Variants in C12orf56 observed in about 807,000 individuals in gnomAD.
C12orf56 encodes the protein uncharacterized protein C12orf56.
C12orf56 carries 71 observed loss-of-function variants against 69.9 expected under a neutral mutation model. That is an observed-to-expected ratio of 1.02 (90% CI 0.84 to 1.24). The LOEUF (loss-of-function observed/expected upper bound fraction) is 1.24. C12orf56 is among the 50% of genes most tolerant of loss of function. C12orf56 has a pLI of 0.00. For synonymous variants in C12orf56, 276 were observed against 274.1 expected (o/e 1.01, Z -0.07); for missense variants, 732 against 738.5 (o/e 0.99, Z 0.10).
At chr12:64,368,270 A>G (rs966857651) in intron 1 of C12orf56, among the ~76,000 whole-genome samples, 3 of 152,168 alleles carry the variant, frequency 2.0e-5, no homozygotes, top group African/African-American at 7.2e-5. Flanking sequence ...GCCCAGCCTA[A>G]GGAGAGAGAC....
At chr12:64,316,983 G>A (rs2038698557) in intron 4 of C12orf56, among the ~76,000 whole-genome samples, 1 of 152,132 alleles carries the variant, frequency 6.6e-6, no homozygotes, top group Non-Finnish European at 1.5e-5. Context: ...GCAATTCAGG[G>A]AAGCATAAAC....
intron 5 of C12orf56, among the ~76,000 whole-genome samples, chr12:64,308,951 GA>G (rs1158083654): frequency 1.1e-5 from 1 of 90,290 alleles, no homozygotes; most frequent in African/African-American, 4.3e-5. Flanking sequence ...AAGAAAGAAA[GA>G]AAGAAAGAAA....
intron 3 of C12orf56, among the ~76,000 whole-genome samples, chr12:64,323,586 C>T (rs1203343939): frequency 2.0e-5 from 1 of 48,978 alleles, no homozygotes; most frequent in African/African-American, 1.1e-4. Flanking sequence ...TTTGCCAAGA[C>T]AGGGTCTTAC....
intron 1 of C12orf56, among the ~76,000 whole-genome samples, chr12:64,363,199 G>A (rs1565775430): frequency 6.6e-6 from 1 of 152,082 alleles, no homozygotes; most frequent in Non-Finnish European, 1.5e-5. Context: ...TAACCCTCAA[G>A]TGGTTTGGAA....
chr12:64,271,720 T>C (rs968815405), intron 11 of C12orf56, among the ~76,000 whole-genome samples: 7 of 152,184 alleles, frequency 4.6e-5, no homozygotes, highest in African/African-American at 1.7e-4. Context: ...ATTAAACATA[T>C]ATTGCCTGGC....
At position 64,318,925 on chromosome 12, in the gene C12orf56, C is replaced by T; in HGVS notation, c.544G>A (p.Gly182Ser). 1 of 1,536,492 alleles carries T rather than the reference C, an allele frequency of 6.5e-7. No homozygotes were observed. Residue 182 changes from glycine (G) to serine (S), a missense_variant, in exon 4 of 13, where the codon GGC (glycine) becomes AGC (serine). Gly to Ser is a moderately conservative substitution (Grantham distance 56). Coordinates refer to ENST00000543942, the MANE Select transcript of C12orf56 (RefSeq NM_001170633.2). ...CCATGAAGGGACAGCTTTTTGAGGC[C>T]TGGACGAGGACAGAGAGTTGAGTCC... Reference protein sequence around the residue: ...SKDSTLCPRPGLKKLSLHGQG... With the variant: ...SKDSTLCPRPSLKKLSLHGQG...
intron 1 of C12orf56, among the ~76,000 whole-genome samples, chr12:64,380,607 A>T (rs2039707220): frequency 6.6e-6 from 1 of 152,212 alleles, no homozygotes; most frequent in African/African-American, 2.4e-5. Flanking sequence ...TGAAACAAAC[A>T]GATGGGTAAG....
chr12:64,332,571 C>T (rs1184365087), intron 2 of C12orf56, among the ~76,000 whole-genome samples: 2 of 152,110 alleles, frequency 1.3e-5, no homozygotes, highest in Non-Finnish European at 1.5e-5. Context: ...TGGAGTGCTG[C>T]GGGCATTGTA....
chr12:64,386,576 A>G (rs538970665), intron 1 of C12orf56, among the ~76,000 whole-genome samples: 6 of 152,068 alleles, frequency 3.9e-5, no homozygotes, highest in African/African-American at 1.4e-4. Context: ...TTGTATTTTT[A>G]GTAGAGACGG....
At chr12:64,338,555 C>T in intron 2 of C12orf56, 1 of 1,483,124 alleles carries the variant, frequency 6.7e-7, no homozygotes, top group Non-Finnish European at 9.4e-7. Context: ...GACTTTGAGT[C>T]TTGCTTGATT....
intron 11 of C12orf56, 48 bp downstream of exon 11, chr12:64,274,853 G>A (rs773821501): frequency 8.4e-6 from 12 of 1,436,320 alleles, no homozygotes; most frequent in Middle Eastern, 3.5e-4. Flanking sequence ...AAGAGTATCT[G>A]TTTAATTAGG....
At chr12:64,380,104 C>CAAAAAAAAAAAAAAAAAAAAAAA (rs60079906) in intron 1 of C12orf56, among the ~76,000 whole-genome samples, 5 of 49,980 alleles carry the variant, frequency 1.0e-4, no homozygotes, top group East Asian at 8.3e-4. Context: ...GACTCCGTCG[C>CAAAAAAAAAAAAAAAAAAAAAAA]AAAAAAAAAA....
At chr12:64,286,864 G>A (rs1327312111) in intron 6 of C12orf56, among the ~76,000 whole-genome samples, 2 of 152,076 alleles carry the variant, frequency 1.3e-5, no homozygotes, top group Non-Finnish European at 2.9e-5. Context: ...ATGCCAGCTG[G>A]GAATGCCAGA....
rs1297037708 is a variant in C12orf56, at chr12:64,386,404, T to A, written c.252+3910A>T. On this transcript the variant is annotated intron_variant, in intron 1 of 12. Transcript: ENST00000543942. ...AATTTTTATATATATATATATTTTT[T>A]TTTTTTTTTGAGACGGAGTTCCACT... Among the ~76,000 whole-genome samples, 51 of 115,922 alleles carry A rather than the reference T, an allele frequency of 4.4e-4. 1 individual carries two copies. The highest frequency in any genetic ancestry group is 7.8e-4 in the African/African-American group (24 of 30,766). 76.0% of individuals were successfully genotyped at this position (115,922 alleles called of 152,430 possible).
At chr12:64,314,511 CATTT>C in intron 4 of C12orf56, among the ~76,000 whole-genome samples, 1 of 152,288 alleles carries the variant, frequency 6.6e-6, no homozygotes, top group East Asian at 1.9e-4. Flanking sequence ...TGCCATTTCT[CATTT>C]ATTCTGGGTC....
chr12:64,300,762 A>G (rs967313444), intron 6 of C12orf56, among the ~76,000 whole-genome samples: 2 of 152,232 alleles, frequency 1.3e-5, no homozygotes, highest in African/African-American at 4.8e-5. Context: ...ACTCTTATGT[A>G]GAGATCACTC....
chr12:64,327,610 A>C (rs929861849), intron 3 of C12orf56, among the ~76,000 whole-genome samples: 2 of 152,176 alleles, frequency 1.3e-5, no homozygotes, highest in Non-Finnish European at 2.9e-5. Flanking sequence ...ACAAGTACAA[A>C]TGGTACCACA....
intron 1 of C12orf56, among the ~76,000 whole-genome samples, chr12:64,360,897 A>G (rs1203970660): frequency 6.6e-6 from 1 of 152,190 alleles, no homozygotes; most frequent in Non-Finnish European, 1.5e-5. Context: ...TATACATTTG[A>G]TAAATCAACT....
intron 6 of C12orf56, among the ~76,000 whole-genome samples, chr12:64,286,643 A>G (rs2038205619): frequency 6.6e-6 from 1 of 152,238 alleles, no homozygotes; most frequent in Non-Finnish European, 1.5e-5. Flanking sequence ...GTCCAGTCTC[A>G]TGAGAAATCA....
Sources: gnomAD v4.1 joint callset for allele counts (sites outside exome capture counted in the v4.1 genomes callset) on GRCh38, gnomAD v4.1.1 for gene constraint, MANE v1.5 for transcripts, NCBI Gene and HGNC (gene_info 2026-07-23, HGNC 2026-07-21) for gene names.